The following SHC4 variants were observed in gnomAD, a reference collection of about 807,000 sequenced individuals.
SHC4 encodes SHC adaptor protein 4, also known as SHC-transforming protein 4.
Under a neutral mutation model 69.4 loss-of-function variants are expected in SHC4, and 41 were observed. The observed-to-expected ratio is 0.59, with a 90% CI of 0.46 to 0.77. The LOEUF is 0.77. Ranked by LOEUF, SHC4 falls within the 30% of genes least tolerant of loss-of-function variation. The pLI, the probability that SHC4 is intolerant of heterozygous loss-of-function variation, is 0.00. For missense variants in SHC4, 777 were observed against 783.8 expected (o/e 0.99, Z 0.10); for synonymous variants, 318 against 299.3 (o/e 1.06, Z -0.64).
At chr15:48,916,493 T>C (rs1900624443) in intron 2 of SHC4, among the ~76,000 whole-genome samples, 1 of 152,020 alleles carries the variant, frequency 6.6e-6, no homozygotes, top group South Asian at 2.1e-4. Flanking sequence ...ATGATCTCTG[T>C]TTCCTTGTTG....
intron 1 of SHC4, among the ~76,000 whole-genome samples, chr15:48,929,738 C>T (rs991258077): frequency 3.3e-5 from 5 of 152,174 alleles, no homozygotes; most frequent in South Asian, 2.1e-4. Flanking sequence ...TCCCTAATTC[C>T]CCACCCTGTG....
chr15:48,937,439 T>C (rs1265102170), intron 1 of SHC4, among the ~76,000 whole-genome samples: 1 of 152,174 alleles, frequency 6.6e-6, no homozygotes, highest in Non-Finnish European at 1.5e-5. Context: ...GGCTGATTAA[T>C]GGAGAATAAC....
At chr15:48,874,021 G>A (rs1207584656) in intron 4 of SHC4, among the ~76,000 whole-genome samples, 1 of 152,094 alleles carries the variant, frequency 6.6e-6, no homozygotes, top group Non-Finnish European at 1.5e-5. Context: ...AAGAATAAAT[G>A]TGCAAGAACA....
At chr15:48,865,119 T>C (rs975419283) in intron 6 of SHC4, among the ~76,000 whole-genome samples, 2 of 152,240 alleles carry the variant, frequency 1.3e-5, no homozygotes, top group Non-Finnish European at 2.9e-5. Flanking sequence ...ATGCACATCT[T>C]ATGGATTATG....
At chr15:48,959,628 A>C (rs1217428063) in intron 1 of SHC4, among the ~76,000 whole-genome samples, 1 of 152,162 alleles carries the variant, frequency 6.6e-6, no homozygotes, top group Non-Finnish European at 1.5e-5. Flanking sequence ...TCTTTCTCTC[A>C]GTTCTCTCCT....
chr15:48,921,286 A>G (rs1185067927), intron 2 of SHC4, among the ~76,000 whole-genome samples: 1 of 151,818 alleles, frequency 6.6e-6, no homozygotes, highest in Non-Finnish European at 1.5e-5. Context: ...AAAGTAGAAC[A>G]GTGGTTGCCA....
chr15:48,887,917 T>G (rs1900065117), intron 3 of SHC4, among the ~76,000 whole-genome samples: 1 of 152,132 alleles, frequency 6.6e-6, no homozygotes, highest in South Asian at 2.1e-4. Flanking sequence ...ATGGACAAAT[T>G]CCTAGAATAC....
At chr15:48,883,196 AG>A (rs1899975283) in intron 4 of SHC4, among the ~76,000 whole-genome samples, 1 of 152,194 alleles carries the variant, frequency 6.6e-6, no homozygotes, top group South Asian at 2.1e-4. Context: ...AAATAATAAT[AG>A]GTATCATGTG....
At chr15:48,926,294 T>C (rs886066005) in intron 1 of SHC4, among the ~76,000 whole-genome samples, 2 of 152,128 alleles carry the variant, frequency 1.3e-5, no homozygotes, top group African/African-American at 2.4e-5. Flanking sequence ...AGAGGTCCAA[T>C]TGAAAGTGAT....
At chr15:48,935,558 G>T (rs16961889) in intron 1 of SHC4, among the ~76,000 whole-genome samples, 1,731 of 152,260 alleles carry the variant, frequency 0.011, 28 homozygotes, top group African/African-American at 0.04. Flanking sequence ...TCTTAAAGGG[G>T]TATATTGTCA....
intron 1 of SHC4, among the ~76,000 whole-genome samples, chr15:48,943,054 G>C (rs10519202): frequency 0.095 from 14,501 of 152,240 alleles, 718 homozygotes; most frequent in East Asian, 0.19. Flanking sequence ...AACTGAGATA[G>C]ACAATTCAAC....
chr15:48,857,840 A>G (rs1226624088), intron 6 of SHC4, 25 bp from the exon 7 acceptor site: 4 of 1,470,538 alleles, frequency 2.7e-6, no homozygotes, highest in African/African-American at 2.9e-5. Flanking sequence ...ACAAAAAATA[A>G]TATTATAATA....
chr15:48,860,629 T>C (rs1899423351), intron 6 of SHC4, among the ~76,000 whole-genome samples: 1 of 152,142 alleles, frequency 6.6e-6, no homozygotes, highest in Non-Finnish European at 1.5e-5. Flanking sequence ...TGTTGAGAGA[T>C]GAAGATGAGG....
chr15:48,878,602 C>A, intron 4 of SHC4: 1 of 1,614,018 alleles, frequency 6.2e-7, no homozygotes, highest in African/African-American at 1.3e-5. Context: ...GAGAACCAGC[C>A]CTGGATGGCG....
Position 48,825,816 on chromosome 15 carries a change from T to C in SHC4, c.*155A>G. On this transcript the variant is annotated 3_prime_UTR_variant, in exon 12 of 12. Transcript: ENST00000332408. ...TCTGAAGACTAATTTTTGTTAGTTC[T>C]TCATTTTATAGAGGACCTGGTCCAT... 1 of 877,070 alleles carries C rather than the reference T, an allele frequency of 1.1e-6. No individual in the cohort carries two copies. The highest frequency in any genetic ancestry group is 2.7e-5 in the East Asian group (1 of 37,340). 54.3% of individuals were successfully genotyped at this position (877,070 alleles called of 1,614,324 possible).
intron 10 of SHC4, among the ~76,000 whole-genome samples, 188 bp downstream of exon 10, chr15:48,843,221 C>T (rs1899025821): frequency 6.6e-6 from 1 of 152,150 alleles, no homozygotes; most frequent in Admixed American, 6.5e-5. Context: ...GAATTGCCAG[C>T]AGCCACCAGA....
chr15:48,875,580 C>T (rs548114569), intron 4 of SHC4, among the ~76,000 whole-genome samples: 3 of 152,298 alleles, frequency 2.0e-5, no homozygotes, highest in East Asian at 3.9e-4. Context: ...AGGAACAATG[C>T]TTTTTTGTGT....
chr15:48,908,481 T>C (rs569919268), intron 2 of SHC4, among the ~76,000 whole-genome samples: 2 of 152,194 alleles, frequency 1.3e-5, no homozygotes, highest in Non-Finnish European at 2.9e-5. Flanking sequence ...TTGTGAAGAT[T>C]TTCTCCTACT....
At chr15:48,841,912 C>T (rs146851573) in intron 10 of SHC4, among the ~76,000 whole-genome samples, 197 of 152,286 alleles carry the variant, frequency 1.3e-3, no homozygotes, top group Non-Finnish European at 2.2e-3. Context: ...CTGCTGAGAT[C>T]CAGGCTCAAC....
Sources: gnomAD v4.1 joint callset for allele counts (sites outside exome capture counted in the v4.1 genomes callset) on GRCh38, gnomAD v4.1.1 for gene constraint, MANE v1.5 for transcripts, NCBI Gene and HGNC (gene_info 2026-07-23, HGNC 2026-07-21) for gene names.